VGLL4: variants seen among roughly 807,000 people sequenced by gnomAD.
The protein encoded by VGLL4 is transcription cofactor vestigial-like protein 4.
A neutral mutation model predicts 21.0 loss-of-function variants in VGLL4; 7 were observed. That is an observed-to-expected ratio of 0.33 (90% CI 0.19 to 0.63). VGLL4 has a LOEUF of 0.63. Among genes scored for constraint, VGLL4 ranks in the 20% least tolerant of loss-of-function variants. The probability of loss-of-function intolerance (pLI) is 0.78; values close to 1 mark genes in which losing one functional copy is unlikely to be tolerated. For missense variants in VGLL4, 394 were observed against 425.7 expected (o/e 0.93, Z 0.66); for synonymous variants, 222 against 173.2 (o/e 1.28, Z -2.21).
chr3:11,557,019 G>A lies in VGLL4; in HGVS notation c.*1537C>T, dbSNP rs752789024. The A allele has an allele frequency of 2.6e-5, 4 of 152,518 alleles. No individual in the cohort carries two copies. Among genetic ancestry groups the A allele is most frequent in the African/African-American group, 9.6e-5 (4 of 41,458 alleles). The allele number at this position is 152,518 out of a possible 1,614,324, so 9.4% of individuals were successfully genotyped here. A position where few individuals can be genotyped will look rare whatever the true frequency, so the allele number is the denominator to read the frequency against. Reference sequence around the variant, plus strand: ...ACTGTAAAACCGGGGGTCATACGGTGTGCAGAGTCCACAAAGCCTTGCAGG... The same window carrying A: ...ACTGTAAAACCGGGGGTCATACGGTATGCAGAGTCCACAAAGCCTTGCAGG... On this transcript the variant is annotated 3_prime_UTR_variant, in exon 5 of 5. Coordinates refer to ENST00000430365, the MANE Select transcript of VGLL4 (RefSeq NM_001128219.3).
At chr3:11,675,744 T>C (rs2076280390) in intron 2 of VGLL4, among the ~76,000 whole-genome samples, 1 of 152,206 alleles carries the variant, frequency 6.6e-6, no homozygotes, top group South Asian at 2.1e-4. Flanking sequence ...ATAAACATCA[T>C]TTAGTTAATA....
intron 1 of VGLL4, chr3:11,610,689 T>C (rs1219535178): frequency 6.6e-6 from 1 of 152,212 alleles, no homozygotes; most frequent in Non-Finnish European, 1.5e-5. Context: ...AGCCTCTATC[T>C]TGGACTGCTA....
upstream of VGLL4, among the ~76,000 whole-genome samples, chr3:11,645,073 A>C (rs987710806): frequency 1.3e-5 from 2 of 151,956 alleles, no homozygotes; most frequent in African/African-American, 2.4e-5. Flanking sequence ...TGGGGCTTAA[A>C]CTTTGATTAC....
chr3:11,575,193 G>T (rs1030027719), intron 2 of VGLL4, among the ~76,000 whole-genome samples: 2 of 152,184 alleles, frequency 1.3e-5, no homozygotes, highest in African/African-American at 4.8e-5. Context: ...TGCCCGGAGG[G>T]TTTCAAAAGC....
intron 2 of VGLL4, among the ~76,000 whole-genome samples, chr3:11,676,054 A>T (rs2076284201): frequency 6.6e-6 from 1 of 152,194 alleles, no homozygotes; most frequent in South Asian, 2.1e-4. Context: ...AGAGCCAAGG[A>T]CTATGAGCAG....
intron 3 of VGLL4, 180 bp downstream of exon 3, chr3:11,564,617 T>C (rs894163251): frequency 8.2e-6 from 6 of 729,998 alleles, no homozygotes; most frequent in Non-Finnish European, 1.3e-5. Context: ...GGACTCCTGT[T>C]CTGCTGTCCC....
At chr3:11,718,746 T>C (rs1360126599) in intron 1 of VGLL4, among the ~76,000 whole-genome samples, 1 of 152,090 alleles carries the variant, frequency 6.6e-6, no homozygotes, top group Admixed American at 6.6e-5. Context: ...AACCAGCTGT[T>C]GATAAAACCC....
At chr3:11,564,197 GT>G (rs2073309328) in intron 3 of VGLL4, among the ~76,000 whole-genome samples, 1 of 152,162 alleles carries the variant, frequency 6.6e-6, no homozygotes, top group South Asian at 2.1e-4. Flanking sequence ...AAAAAGATTT[GT>G]TTCTACCAAG....
rs374958805 is a variant in VGLL4 at position 11,673,091 on chromosome 3, C to T, written c.64+29880G>A. 3.9e-5 allele frequency among the ~76,000 whole-genome samples: 6 copies of T among 152,260 alleles called. No homozygotes were observed. The East Asian group carries it at 1.2e-3, about 29-fold the overall frequency. On this transcript the variant is annotated intron_variant, in intron 2 of 5. Coordinates refer to the VGLL4 transcript ENST00000273038. Reference sequence around the variant, plus strand: ...ATTGGGGCTCAGAATATAAGTTTTGCACATCCCCTTTTTTGAATTCAGGAA... The same window carrying T: ...ATTGGGGCTCAGAATATAAGTTTTGTACATCCCCTTTTTTGAATTCAGGAA...
At chr3:11,683,550 T>C (rs1012785134) in intron 2 of VGLL4, among the ~76,000 whole-genome samples, 6 of 152,126 alleles carry the variant, frequency 3.9e-5, no homozygotes, top group Non-Finnish European at 7.4e-5. Flanking sequence ...CATCAATCGA[T>C]GAGTGGATAA....
chr3:11,655,475 C>A lies in VGLL4; in HGVS notation c.64+47496G>T, dbSNP rs2075944046. On this transcript the variant is annotated intron_variant, in intron 2 of 5. Transcript: ENST00000273038. ...CCTGGTCATTTGTATTTAAACAATT[C>A]CCATCTGCTTTACACAGAAGGGGCA... Among the ~76,000 whole-genome samples, 6 of 152,174 alleles carry A rather than the reference C, an allele frequency of 3.9e-5. No individual in the cohort carries two copies. The South Asian group carries it at 1.2e-3, about 32-fold the overall frequency.
At chr3:11,679,972 C>T (rs568570911) in intron 2 of VGLL4, among the ~76,000 whole-genome samples, 1 of 152,338 alleles carries the variant, frequency 6.6e-6, no homozygotes, top group Admixed American at 6.5e-5. Flanking sequence ...ACTACTCACC[C>T]AGTGCAACTT....
Position 11,558,714 on chromosome 3 carries a change from C to T in VGLL4, c.733G>A (p.Asp245Asn). The T allele has an allele frequency of 6.2e-7, 1 of 1,614,102 alleles. No homozygotes were observed. ...TCACCCAGAGCTTTGGCAAAGTGGT[C>T]GTCCACGGAGCCCGTGATGGACACG... ...NSVSITGSVD[D>N]HFAKALGDTW... Residue 245 changes from aspartate to asparagine, a missense_variant, in exon 5 of 5, where the codon GAC becomes AAC. Asp to Asn is a conservative substitution (Grantham distance 23). Coordinates refer to ENST00000430365, the MANE Select transcript of VGLL4 (RefSeq NM_001128219.3).
intron 2 of VGLL4, among the ~76,000 whole-genome samples, chr3:11,660,833 A>T (rs1203935938): frequency 6.6e-6 from 1 of 152,208 alleles, no homozygotes; most frequent in Non-Finnish European, 1.5e-5. Context: ...TTAGCTTTAA[A>T]AATTAAAAAA....
chr3:11,681,314 G>A (rs984667192), intron 2 of VGLL4, among the ~76,000 whole-genome samples: 16 of 152,202 alleles, frequency 1.1e-4, no homozygotes, highest in African/African-American at 3.9e-4. Flanking sequence ...CGGCAAGATG[G>A]TCTCAAACTC....
chr3:11,580,187 G>A (rs546266934), intron 2 of VGLL4, among the ~76,000 whole-genome samples: 1 of 152,082 alleles, frequency 6.6e-6, no homozygotes, highest in African/African-American at 2.4e-5. Context: ...CCTCCTTCTT[G>A]CAGCCGCTGG....
chr3:11,712,213 T>A (rs1326202327), intron 1 of VGLL4, among the ~76,000 whole-genome samples: 1 of 152,180 alleles, frequency 6.6e-6, no homozygotes, highest in Admixed American at 6.5e-5. Flanking sequence ...CAGTCAACAA[T>A]CCCTGAAAGC....
chr3:11,665,600 G>C (rs1010015864), intron 2 of VGLL4, among the ~76,000 whole-genome samples: 4 of 152,200 alleles, frequency 2.6e-5, no homozygotes, highest in African/African-American at 9.7e-5. Flanking sequence ...ATTGCTCCCT[G>C]CAAAGGAAGC....
intron 2 of VGLL4, among the ~76,000 whole-genome samples, chr3:11,571,937 T>C (rs1391831840): frequency 1.3e-5 from 2 of 152,142 alleles, no homozygotes; most frequent in Non-Finnish European, 2.9e-5. Flanking sequence ...CAAAACCCTG[T>C]CTCTACTAAA....
Sources: gnomAD v4.1 joint callset for allele counts (sites outside exome capture counted in the v4.1 genomes callset) on GRCh38, gnomAD v4.1.1 for gene constraint, MANE v1.5 for transcripts, NCBI Gene and HGNC (gene_info 2026-07-23, HGNC 2026-07-21) for gene names.